RBM11: variants seen among roughly 807,000 people sequenced by gnomAD.
RBM11 encodes the protein splicing regulator RBM11.
A neutral mutation model predicts 21.4 loss-of-function variants in RBM11; 18 were observed. The ratio of observed to expected loss-of-function variants is 0.84; its 90% confidence interval spans 0.58 to 1.25. The LOEUF (loss-of-function observed/expected upper bound fraction) is 1.25. Ranked by LOEUF, RBM11 falls within the 50% of genes most tolerant of loss-of-function variation. The pLI is 0.00. For missense variants in RBM11, 294 were observed against 331.9 expected (o/e 0.89, Z 0.89); for synonymous variants, 120 against 116.3 (o/e 1.03, Z -0.20).
intron 4 of RBM11, among the ~76,000 whole-genome samples, chr21:14,226,135 T>C (rs1979065800): frequency 6.6e-6 from 1 of 152,152 alleles, no homozygotes; most frequent in Admixed American, 6.6e-5. Flanking sequence ...CAGATTGAGA[T>C]ATGCCATGAG....
chr21:14,226,855 G>A (rs762763892), intron 4 of RBM11, 25 bp from the exon 5 acceptor site: 100 of 1,578,906 alleles, frequency 6.3e-5, no homozygotes, highest in Non-Finnish European at 8.3e-5. Context: ...ATTTGTTTTG[G>A]TAGATGAATG....
chr21:14,216,362 C>G (rs992186595), intron 1 of RBM11, 80 bp downstream of exon 1: 2 of 1,196,698 alleles, frequency 1.7e-6, no homozygotes, highest in African/African-American at 3.0e-5. Flanking sequence ...CCACCCGGAG[C>G]CCGGCCCCCT....
chr21:14,226,832 C>T (rs1979131994), intron 4 of RBM11, 48 bp from the exon 5 acceptor site: 2 of 1,552,688 alleles, frequency 1.3e-6, no homozygotes, highest in Admixed American at 4.0e-5. Flanking sequence ...ATTTTTTTTC[C>T]TTAACCTTTT....
intron 3 of RBM11, 116 bp from the exon 4 acceptor site, chr21:14,224,322 C>G: frequency 7.1e-7 from 1 of 1,415,660 alleles, no homozygotes. Flanking sequence ...CATGTGATTC[C>G]TCTATGCAGA....
chr21:14,224,497 A>G lies in RBM11; in HGVS notation c.392A>G (p.Asn131Ser). ...SFPMQYFPIN[N>S]TSLPQEYFLF... Reference sequence around the variant, plus strand: ...CCCATGCAGTATTTTCCAATTAATAATACTTCTTTACCTCAAGAATATTTT... The same window carrying G: ...CCCATGCAGTATTTTCCAATTAATAGTACTTCTTTACCTCAAGAATATTTT... The change falls in exon 4 of 5, where the codon AAT (asparagine) becomes AGT (serine). Residue 131 changes from asparagine to serine, a missense_variant. By Grantham distance (46) the Asn-to-Ser change is conservative. Coordinates refer to ENST00000400577, the MANE Select transcript of RBM11 (RefSeq NM_144770.5). 3 of 1,559,410 alleles carry G rather than the reference A, an allele frequency of 1.9e-6. No homozygotes were observed. Among genetic ancestry groups the G allele is most frequent in the Non-Finnish European group, 2.6e-6 (3 of 1,150,432 alleles).
At chr21:14,224,313 A>G (rs1343146984) in intron 3 of RBM11, 125 bp from the exon 4 acceptor site, 5 of 1,360,410 alleles carry the variant, frequency 3.7e-6, no homozygotes, top group Non-Finnish European at 4.9e-6. Flanking sequence ...CTGAATTTAC[A>G]TGTGATTCCT....
At position 14,228,352 on chromosome 21, in the gene RBM11, TAAAG is replaced by T. The variant is rs1272852733; in HGVS notation, c.*1061_*1064del. On this transcript the variant is annotated 3_prime_UTR_variant, in exon 5 of 5. Coordinates refer to ENST00000400577, the MANE Select transcript of RBM11 (RefSeq NM_144770.5). ...TATAGATATTTATTATTTAAAAAAA[TAAAG>T]ATATGTTTTTAATGAAGAGAGTAAC... The T allele has an allele frequency of 6.6e-6, 1 of 152,158 alleles. No individual in the cohort carries two copies. Among genetic ancestry groups the T allele is most frequent in the African/African-American group, 2.4e-5 (1 of 41,460 alleles). The allele number at this position is 152,158 out of a possible 1,614,324, so 9.4% of individuals were successfully genotyped here.
At chr21:14,226,823 T>A (rs2822444) in intron 4 of RBM11, 57 bp from the exon 5 acceptor site, 24 of 1,544,984 alleles carry the variant, frequency 1.6e-5, no homozygotes, top group African/African-American at 2.8e-5. Context: ...AAACTGTTAA[T>A]TTTTTTTCCT....
chr21:14,227,039 G>C lies in RBM11; in HGVS notation c.592G>C (p.Asp198His). The C allele has an allele frequency of 6.2e-7, 1 of 1,612,686 alleles. No individual in the cohort carries two copies. The highest frequency in any genetic ancestry group is 8.5e-7 in the Non-Finnish European group (1 of 1,179,740). Residue 198 changes from aspartate (D) to histidine (H), a missense_variant, in exon 5 of 5, where the codon GAC (aspartate) becomes CAC (histidine). By Grantham distance (81) the Asp-to-His change is moderately conservative. Around this residue, in one of 2 missense-constraint regions of RBM11, gnomAD observed 113 missense variants for 167.3 expected, o/e 0.68. Transcript: ENST00000400577. ...GACTCACCAACAACCAAGTGACTCT[G>C]ACCTTTATCAGATGACAGCTCCACT... ...KWTHQQPSDS[D>H]LYQMTAPLPN...
At chr21:14,221,249 A>G in intron 3 of RBM11, 80 bp downstream of exon 3, 1 of 1,417,782 alleles carries the variant, frequency 7.1e-7, no homozygotes, top group South Asian at 1.5e-5. Flanking sequence ...ATTTTGGGCT[A>G]TTGTAAAACC....
At chr21:14,218,624 AT>A (rs1978402181) in intron 1 of RBM11, among the ~76,000 whole-genome samples, 1 of 152,170 alleles carries the variant, frequency 6.6e-6, no homozygotes, top group Non-Finnish European at 1.5e-5. Flanking sequence ...AACACACAGA[AT>A]TATTTTAAAG....
Position 14,224,496 on chromosome 21 carries a change from AATACTTCTT to A in RBM11, c.392_400del (p.Asn131_Leu134delinsIle). The A allele has an allele frequency of 6.4e-7, 1 of 1,560,086 alleles. No homozygotes were observed. Among genetic ancestry groups the A allele is most frequent in the Non-Finnish European group, 8.7e-7 (1 of 1,150,762 alleles). On this transcript the variant is annotated inframe_deletion, in exon 4 of 5. Transcript: ENST00000400577. ...TCCCATGCAGTATTTTCCAATTAAT[AATACTTCTT>A]TACCTCAAGAATATTTTCTCTTTCA...
At position 14,220,981 on chromosome 21, in the gene RBM11, C is replaced by T. The variant is rs1285534913; in HGVS notation, c.260-116C>T. Reference sequence around the variant, plus strand: ...GATATGCATATATCTTCTCTGAGTACAGAATTTTAAAATCACTACTACGTC... The same window carrying T: ...GATATGCATATATCTTCTCTGAGTATAGAATTTTAAAATCACTACTACGTC... On this transcript the variant is annotated intron_variant, in intron 2 of 4. Coordinates refer to ENST00000400577, the MANE Select transcript of RBM11 (RefSeq NM_144770.5). 1.3e-5 allele frequency: 13 copies of T among 1,028,966 alleles called. No individual in the cohort carries two copies. The East Asian group carries it at 1.9e-4, about 15-fold the overall frequency. 63.7% of individuals were successfully genotyped at this position (1,028,966 alleles called of 1,614,324 possible). A position where few individuals can be genotyped will look rare whatever the true frequency, so the allele number is the denominator to read the frequency against.
intron 1 of RBM11, 77 bp downstream of exon 1, chr21:14,216,359 G>C: frequency 8.0e-7 from 1 of 1,242,242 alleles, no homozygotes; most frequent in Non-Finnish European, 1.2e-6. Flanking sequence ...GGACCACCCG[G>C]AGCCCGGCCC....
In RBM11 at chr21:14,227,321, A is replaced by G; in HGVS notation, c.*28A>G. The G allele has an allele frequency of 6.4e-7, 1 of 1,557,892 alleles. No individual in the cohort carries two copies. Among genetic ancestry groups the G allele is most frequent in the Non-Finnish European group, 8.7e-7 (1 of 1,154,414 alleles). ...TTACCTACAAATGAAACTTACCTAC[A>G]CTGATCTTAGTTCTCTTATGAAAAA... On this transcript the variant is annotated 3_prime_UTR_variant, in exon 5 of 5. Coordinates refer to ENST00000400577, the MANE Select transcript of RBM11 (RefSeq NM_144770.5).
chr21:14,219,810 T>A (rs1978506507), intron 2 of RBM11, 85 bp downstream of exon 2: 1 of 1,223,836 alleles, frequency 8.2e-7, no homozygotes. Flanking sequence ...TCCTATGTAG[T>A]ATAAGACCAA....
chr21:14,218,425 A>C (rs907140442), intron 1 of RBM11, among the ~76,000 whole-genome samples: 4 of 152,148 alleles, frequency 2.6e-5, no homozygotes, highest in Admixed American at 2.6e-4. Context: ...TTTAGAGAAA[A>C]TATGGTGAAT....
At chr21:14,226,332 A>G (rs567958091) in intron 4 of RBM11, among the ~76,000 whole-genome samples, 2 of 152,226 alleles carry the variant, frequency 1.3e-5, no homozygotes, top group East Asian at 3.9e-4. Context: ...TTAAAACTAC[A>G]TGTGGGCTGG....
At chr21:14,216,454 G>A (rs56113127) in intron 1 of RBM11, among the ~76,000 whole-genome samples, 172 bp downstream of exon 1, 64,150 of 151,886 alleles carry the variant, frequency 0.42, 13,815 homozygotes, top group South Asian at 0.5. Flanking sequence ...GGAGTGAAAT[G>A]AGGGCGCGTT....
Sources: gnomAD v4.1 joint callset for allele counts (sites outside exome capture counted in the v4.1 genomes callset) on GRCh38, gnomAD v4.1.1 for gene constraint, gnomAD v4.1.1 regional missense constraint, MANE v1.5 for transcripts, NCBI Gene and HGNC (gene_info 2026-07-23, HGNC 2026-07-21) for gene names.